The following MACROD2 variants were observed in gnomAD, a reference collection of about 807,000 sequenced individuals.
MACROD2 encodes mono-ADP ribosylhydrolase 2, also known as ADP-ribose glycohydrolase MACROD2.
A neutral mutation model predicts 70.4 loss-of-function variants in MACROD2; 36 were observed. The ratio of observed to expected loss-of-function variants is 0.51; its 90% CI spans 0.39 to 0.68. The LOEUF (loss-of-function observed/expected upper bound fraction) is 0.68. Among genes scored for constraint, MACROD2 ranks in the 30% least tolerant of loss-of-function variants. MACROD2 has a pLI of 0.00. For missense variants in MACROD2, 496 were observed against 538.4 expected (o/e 0.92, Z 0.78); for synonymous variants, 172 against 178.8 (o/e 0.96, Z 0.30).
intron 5 of MACROD2, among the ~76,000 whole-genome samples, chr20:14,858,640 G>A (rs1459526757): frequency 6.6e-6 from 1 of 152,082 alleles, no homozygotes; most frequent in Non-Finnish European, 1.5e-5. Flanking sequence ...GTCAGTATAC[G>A]TTTTAGTGCA....
intron 6 of MACROD2, among the ~76,000 whole-genome samples, chr20:15,286,497 GGAA>G (rs368174322): frequency 0.13 from 19,290 of 152,022 alleles, 1,297 homozygotes; most frequent in Middle Eastern, 0.21. Flanking sequence ...CTGCCCTTGG[GGAA>G]CTTACATTCT....
chr20:15,673,822 T>C (rs2050017192), intron 8 of MACROD2, among the ~76,000 whole-genome samples: 1 of 150,902 alleles, frequency 6.6e-6, no homozygotes, highest in African/African-American at 2.4e-5. Flanking sequence ...GAGCTTATAG[T>C]CTATCGCATC....
intron 4 of MACROD2, among the ~76,000 whole-genome samples, chr20:14,641,560 T>C (rs1402328102): frequency 2.0e-5 from 3 of 152,200 alleles, no homozygotes; most frequent in East Asian, 1.9e-4. Context: ...ATAATAAGAC[T>C]TGAAAGTCAA....
intron 11 of MACROD2, among the ~76,000 whole-genome samples, chr20:15,934,420 C>T (rs943120023): frequency 1.3e-5 from 2 of 152,128 alleles, no homozygotes; most frequent in Admixed American, 6.5e-5. Flanking sequence ...CTGGGTCGGC[C>T]GGCGTCCTTT....
intron 5 of MACROD2, among the ~76,000 whole-genome samples, chr20:15,043,261 T>C (rs577402814): frequency 6.6e-6 from 1 of 152,352 alleles, no homozygotes; most frequent in East Asian, 1.9e-4. Context: ...AATAATGTAG[T>C]TTTCAGATTT....
At chr20:15,992,020 A>G (rs2066565397) in intron 15 of MACROD2, among the ~76,000 whole-genome samples, 2 of 152,232 alleles carry the variant, frequency 1.3e-5, no homozygotes, top group South Asian at 2.1e-4. Context: ...ATTATGCTGC[A>G]TAACTGACCT....
At chr20:14,374,576 T>C (rs746496586) in intron 3 of MACROD2, among the ~76,000 whole-genome samples, 6 of 152,206 alleles carry the variant, frequency 3.9e-5, no homozygotes, top group Non-Finnish European at 8.8e-5. Flanking sequence ...TCTTTGGAGA[T>C]ATTCTTTTTC....
At chr20:15,778,219 A>G (rs938711296) in intron 8 of MACROD2, among the ~76,000 whole-genome samples, 1 of 152,138 alleles carries the variant, frequency 6.6e-6, no homozygotes, top group Non-Finnish European at 1.5e-5. Flanking sequence ...TCTAATTCCA[A>G]TGTCAATAAC....
intron 5 of MACROD2, among the ~76,000 whole-genome samples, chr20:14,847,652 A>C (rs2073158204): frequency 6.6e-6 from 1 of 151,918 alleles, no homozygotes; most frequent in Admixed American, 6.6e-5. Context: ...TTTAAAAAAA[A>C]ATTGTTCATT....
chr20:15,627,743 G>C (rs1413240494), intron 8 of MACROD2, among the ~76,000 whole-genome samples: 1 of 152,200 alleles, frequency 6.6e-6, no homozygotes. Context: ...GACAGATCTT[G>C]TGACCAGTCT....
chr20:14,544,118 TC>T (rs1022881348), intron 4 of MACROD2, among the ~76,000 whole-genome samples: 13 of 152,170 alleles, frequency 8.5e-5, no homozygotes, highest in Non-Finnish European at 1.5e-4. Flanking sequence ...GGAGGAATGT[TC>T]CATGTTGATA....
intron 8 of MACROD2, among the ~76,000 whole-genome samples, chr20:15,685,857 G>A (rs190756385): frequency 2.2e-4 from 34 of 152,278 alleles, no homozygotes; most frequent in Admixed American, 1.6e-3. Context: ...TCACTTTGAT[G>A]GGGTCAGTTT....
At chr20:15,720,415 A>T (rs1241012920) in intron 8 of MACROD2, among the ~76,000 whole-genome samples, 2 of 152,158 alleles carry the variant, frequency 1.3e-5, no homozygotes, top group East Asian at 3.9e-4. Context: ...TTTCATTTTT[A>T]AAAATTTTAC....
chr20:15,324,740 T>G (rs1315902979), intron 6 of MACROD2, among the ~76,000 whole-genome samples: 1 of 152,140 alleles, frequency 6.6e-6, no homozygotes, highest in Admixed American at 6.6e-5. Flanking sequence ...TAAATCCCAC[T>G]GTCAAAGTCA....
intron 3 of MACROD2, among the ~76,000 whole-genome samples, chr20:14,421,030 T>C (rs1312875011): frequency 6.6e-6 from 1 of 152,254 alleles, no homozygotes; most frequent in Admixed American, 6.5e-5. Flanking sequence ...TTTTACATTC[T>C]GATGAAGTCA....
At chr20:15,147,860 T>G (rs1445424890) in intron 5 of MACROD2, among the ~76,000 whole-genome samples, 2 of 151,216 alleles carry the variant, frequency 1.3e-5, no homozygotes, top group African/African-American at 4.9e-5. Flanking sequence ...AAAAGGGGGG[T>G]TGTTCTCTGG....
At chr20:14,445,057 A>G (rs2084168625) in intron 3 of MACROD2, among the ~76,000 whole-genome samples, 1 of 151,952 alleles carries the variant, frequency 6.6e-6, no homozygotes, top group African/African-American at 2.4e-5. Flanking sequence ...GTCTTGTTAA[A>G]ATTTAAATTA....
At chr20:14,386,790 G>T (rs1274836070) in intron 3 of MACROD2, among the ~76,000 whole-genome samples, 1 of 152,096 alleles carries the variant, frequency 6.6e-6, no homozygotes, top group East Asian at 1.9e-4. Flanking sequence ...ACCCAGTATC[G>T]GGTGTTTCTT....
intron 3 of MACROD2, among the ~76,000 whole-genome samples, chr20:14,114,622 A>G (rs999527313): frequency 6.6e-6 from 1 of 152,118 alleles, no homozygotes. Context: ...GGTGGTAACA[A>G]ATTATTTCTA....
Sources: gnomAD v4.1 joint callset for allele counts (sites outside exome capture counted in the v4.1 genomes callset) on GRCh38, gnomAD v4.1.1 for gene constraint, MANE v1.5 for transcripts, NCBI Gene and HGNC (gene_info 2026-07-23, HGNC 2026-07-21) for gene names.